The following RUFY1 variants were observed in gnomAD, a reference collection of about 807,000 sequenced individuals.
RUFY1 encodes RUN and FYVE domain containing 1.
A neutral mutation model predicts 94.6 loss-of-function variants in RUFY1; 54 were observed. The observed-to-expected ratio is 0.57, with a 90% CI of 0.46 to 0.72. The LOEUF is 0.72. RUFY1 is among the 30% of genes least tolerant of loss of function. RUFY1 has a pLI of 0.00. For synonymous variants in RUFY1, 396 were observed against 347.3 expected (o/e 1.14, Z -1.56); for missense variants, 883 against 883.9 (o/e 1.00, Z 0.01).
intron 11 of RUFY1, among the ~76,000 whole-genome samples, chr5:179,594,423 C>T (rs929761010): frequency 1.3e-5 from 2 of 149,996 alleles, no homozygotes; most frequent in Non-Finnish European, 3.0e-5. Context: ...TCAGGGTGGT[C>T]CAAGGGAACT....
At chr5:179,579,003 A>G (rs1236321929) in intron 6 of RUFY1, among the ~76,000 whole-genome samples, 2 of 152,248 alleles carry the variant, frequency 1.3e-5, no homozygotes, top group African/African-American at 4.8e-5. Context: ...ATATGTATGC[A>G]TGGAACATTT....
intron 2 of RUFY1, among the ~76,000 whole-genome samples, chr5:179,561,406 G>C (rs1040322255): frequency 6.6e-6 from 1 of 151,788 alleles, no homozygotes; most frequent in Admixed American, 6.6e-5. Flanking sequence ...GTCAGATGAG[G>C]AGTTGCATTT....
chr5:179,603,759 T>TTAA (rs1367557564), intron 15 of RUFY1: 1 of 152,238 alleles, frequency 6.6e-6, no homozygotes, highest in Non-Finnish European at 1.5e-5. Context: ...TCTCTGATCT[T>TTAA]TAAAATGTAT....
At chr5:179,580,241 G>GTGTGTGTGTATATATATATATA (rs149099074) in intron 6 of RUFY1, among the ~76,000 whole-genome samples, 1 of 93,852 alleles carries the variant, frequency 1.1e-5, no homozygotes, top group African/African-American at 3.5e-5. Flanking sequence ...GTGTGTGTGT[G>GTGTGTGTGTATATATATATATA]TATATTTTTT....
intron 14 of RUFY1, 61 bp downstream of exon 14, chr5:179,598,882 C>A (rs947209667): frequency 1.3e-6 from 2 of 1,589,662 alleles, no homozygotes; most frequent in Non-Finnish European, 1.7e-6. Flanking sequence ...CCCTAACATG[C>A]TCCGGGCAGG....
chr5:179,586,441 A>G (rs955944665), intron 8 of RUFY1: 2 of 456,370 alleles, frequency 4.4e-6, no homozygotes, highest in African/African-American at 4.0e-5. Context: ...TGTTAGCAGG[A>G]GGGGGGTGCT....
At chr5:179,580,882 G>T in intron 6 of RUFY1, 65 bp from the exon 7 acceptor site, 1 of 873,942 alleles carries the variant, frequency 1.1e-6, no homozygotes, top group Non-Finnish European at 1.9e-6. Context: ...GAATATTGGG[G>T]AACAGTTACA....
At chr5:179,566,090 A>G (rs1256758332) in intron 3 of RUFY1, among the ~76,000 whole-genome samples, 4 of 151,940 alleles carry the variant, frequency 2.6e-5, no homozygotes, top group African/African-American at 4.8e-5. Context: ...GCAGGGAGCC[A>G]TCATCATGCC....
chr5:179,586,297 C>T (rs1421806019), intron 8 of RUFY1: 1 of 459,160 alleles, frequency 2.2e-6, no homozygotes, highest in African/African-American at 2.0e-5. Flanking sequence ...AACCAGCCTC[C>T]CCACAGTGCG....
At chr5:179,592,141 C>T (rs761009564) in intron 10 of RUFY1, among the ~76,000 whole-genome samples, 4 of 151,390 alleles carry the variant, frequency 2.6e-5, no homozygotes, top group African/African-American at 4.9e-5. Context: ...TTTTTTGAGA[C>T]GGAGTTTCAC....
chr5:179,567,377 A>T, intron 3 of RUFY1, 84 bp from the exon 4 acceptor site: 1 of 976,832 alleles, frequency 1.0e-6, no homozygotes, highest in Non-Finnish European at 1.6e-6. Flanking sequence ...TGTGTTTCCT[A>T]TGTGTCTCCC....
chr5:179,609,642 C>A lies in RUFY1; in HGVS notation c.*123C>A. ...AAGAATCAAATTTCTTGCCCGGTCA[C>A]TGGCACTCCAGAAGACAGCGTGCCG... On this transcript the variant is annotated 3_prime_UTR_variant, in exon 18 of 18. Transcript: ENST00000319449. The A allele has an allele frequency of 9.8e-7, 1 of 1,022,534 alleles. No individual in the cohort carries two copies. Among genetic ancestry groups the A allele is most frequent in the African/African-American group, 1.6e-5 (1 of 61,454 alleles). 63.3% of individuals were successfully genotyped at this position (1,022,534 alleles called of 1,614,324 possible).
chr5:179,561,603 G>C (rs1454139887), intron 2 of RUFY1, among the ~76,000 whole-genome samples: 2 of 145,974 alleles, frequency 1.4e-5, no homozygotes, highest in Non-Finnish European at 3.0e-5. Context: ...ATAAATCCTT[G>C]ATTTTGCCAT....
intron 3 of RUFY1, 101 bp from the exon 4 acceptor site, chr5:179,567,360 A>G: frequency 1.2e-6 from 1 of 834,588 alleles, no homozygotes; most frequent in Non-Finnish European, 2.0e-6. Flanking sequence ...GTCTGCATTT[A>G]CAAGGGTGTG....
At chr5:179,581,438 A>ATTTT (rs763576066) in intron 7 of RUFY1, among the ~76,000 whole-genome samples, 1 of 116,924 alleles carries the variant, frequency 8.6e-6, no homozygotes, top group Non-Finnish European at 1.8e-5. Flanking sequence ...CTTTATCTTG[A>ATTTT]TTTTTTTTTT....
chr5:179,600,338 T>C (rs1266217593), intron 14 of RUFY1, among the ~76,000 whole-genome samples: 1 of 152,162 alleles, frequency 6.6e-6, no homozygotes, highest in Non-Finnish European at 1.5e-5. Context: ...CTTAACAGAC[T>C]GGCTCAAGGT....
At chr5:179,578,308 G>T (rs1763819361) in intron 6 of RUFY1, among the ~76,000 whole-genome samples, 1 of 152,210 alleles carries the variant, frequency 6.6e-6, no homozygotes, top group Middle Eastern at 3.4e-3. Context: ...CCGCCTCCCC[G>T]GTTCAAGCGA....
chr5:179,578,598 G>GA (rs1166705606), intron 6 of RUFY1, among the ~76,000 whole-genome samples: 1 of 151,626 alleles, frequency 6.6e-6, no homozygotes, highest in Non-Finnish European at 1.5e-5. Flanking sequence ...TTACCCAAGG[G>GA]AAAAAAACAA....
At chr5:179,560,725 C>CAAAAAAAAAAAAAAAA (rs68093858) in intron 2 of RUFY1, among the ~76,000 whole-genome samples, 6 of 78,786 alleles carry the variant, frequency 7.6e-5, no homozygotes, top group Admixed American at 1.5e-4. Flanking sequence ...GACTCCGTCT[C>CAAAAAAAAAAAAAAAA]AAAAAAAAAA....
Sources: allele counts gnomAD v4.1 joint callset (sites outside exome capture counted in the v4.1 genomes callset), GRCh38; gene constraint gnomAD v4.1.1; transcripts MANE v1.5; gene names NCBI Gene and HGNC (gene_info 2026-07-23, HGNC 2026-07-21).